The following ST8SIA2 variants were observed in gnomAD, a reference collection of about 807,000 sequenced individuals.
ST8SIA2 encodes ST8 alpha-N-acetyl-neuraminide alpha-2,8-sialyltransferase 2, also known as alpha-2,8-sialyltransferase 8B.
In ST8SIA2, 22 loss-of-function variants were observed where a neutral mutation model predicts 37.6. That is an observed-to-expected ratio of 0.58 (90% CI 0.42 to 0.83). The LOEUF is 0.83. Ranked by LOEUF, ST8SIA2 falls within the 40% of genes least tolerant of loss-of-function variation. The pLI, the probability that ST8SIA2 is intolerant of heterozygous loss-of-function variation, is 0.00. For synonymous variants in ST8SIA2, 205 were observed against 201.2 expected, an observed-to-expected ratio of 1.02 and a Z score of -0.16; for missense variants, 382 against 484.7, an observed-to-expected ratio of 0.79 and a Z score of 1.99.
intron 1 of ST8SIA2, 54 bp from the exon 2 acceptor site, chr15:92,429,995 G>A: frequency 1.9e-6 from 3 of 1,595,144 alleles, no homozygotes; most frequent in Non-Finnish European, 2.6e-6. Context: ...AATTGAAGAG[G>A]GCTTTGCAAA....
At chr15:92,439,231 G>A (rs1450580286) in intron 4 of ST8SIA2, among the ~76,000 whole-genome samples, 1 of 152,156 alleles carries the variant, frequency 6.6e-6, no homozygotes, top group Non-Finnish European at 1.5e-5. Context: ...AGTGTCTTGG[G>A]AGGGGGTGCC....
intron 5 of ST8SIA2, among the ~76,000 whole-genome samples, chr15:92,454,891 G>A (rs576196436): frequency 2.0e-5 from 3 of 152,056 alleles, no homozygotes; most frequent in Non-Finnish European, 4.4e-5. Context: ...ATCGAAGGAG[G>A]CTGCGACCCA....
chr15:92,408,414 T>C (rs1189910896), intron 1 of ST8SIA2, among the ~76,000 whole-genome samples: 1 of 152,142 alleles, frequency 6.6e-6, no homozygotes, highest in East Asian at 1.9e-4. Context: ...CCGTTTCAGA[T>C]GTGTGCCCCG....
chr15:92,454,570 AC>A lies in ST8SIA2; in HGVS notation c.843-9529del, dbSNP rs571788412. Among the ~76,000 whole-genome samples the A allele has an allele frequency of 5.2e-3, 798 of 152,114 alleles. 5 individuals carry two copies. The highest frequency in any genetic ancestry group is 0.014 in the Middle Eastern group (4 of 294). The stretch of plus-strand genomic sequence containing the variant: ...GAGTCTCTGCCCCCACAGTGGACTT[AC>A]AAAATTTCTGCCCATCTGAGGCAGT... On this transcript the variant is annotated intron_variant, in intron 5 of 5. Transcript: ENST00000268164.
intron 5 of ST8SIA2, among the ~76,000 whole-genome samples, chr15:92,457,782 C>T (rs985109292): frequency 2.0e-5 from 3 of 152,168 alleles, no homozygotes; most frequent in Non-Finnish European, 2.9e-5. Context: ...TGTCAGACAT[C>T]GCTCAGGAGT....
chr15:92,440,381 A>T (rs562700755), intron 4 of ST8SIA2, among the ~76,000 whole-genome samples: 2 of 152,244 alleles, frequency 1.3e-5, no homozygotes, highest in Admixed American at 1.3e-4. Flanking sequence ...GCAACTCAGC[A>T]TTTCTAACAA....
chr15:92,451,387 G>A (rs1005373677), intron 5 of ST8SIA2, among the ~76,000 whole-genome samples: 1 of 152,166 alleles, frequency 6.6e-6, no homozygotes, highest in African/African-American at 2.4e-5. Flanking sequence ...GCACCTTATC[G>A]GGGAGAACAA....
chr15:92,434,304 A>T lies in ST8SIA2; in HGVS notation c.219A>T (p.Glu73Asp). The T allele has an allele frequency of 1.2e-6, 2 of 1,614,190 alleles. No homozygotes were observed. Among genetic ancestry groups the T allele is most frequent in the Non-Finnish European group, 1.7e-6 (2 of 1,180,026 alleles). The part of the protein sequence containing the change: ...SSPAVVDRSN[E>D]SIKHNIQPAS... ...CAGCTGTTGTTGACAGAAGTAATGAAAGCATCAAGCACAACATCCAGCCAG... is the reference window on the plus strand; with the variant it reads ...CAGCTGTTGTTGACAGAAGTAATGATAGCATCAAGCACAACATCCAGCCAG... The change falls in exon 3 of 6, where the codon GAA becomes GAT. Residue 73 changes from glutamate to aspartate, a missense_variant. Coordinates refer to ENST00000268164, the MANE Select transcript of ST8SIA2 (RefSeq NM_006011.4).
At position 92,467,974 on chromosome 15, in the gene ST8SIA2, C is replaced by G. The variant is rs2050004681; in HGVS notation, c.*3589C>G. 1 of 152,268 alleles carries G rather than the reference C, an allele frequency of 6.6e-6. No homozygotes were observed. Among genetic ancestry groups the G allele is most frequent in the Non-Finnish European group, 1.5e-5 (1 of 68,064 alleles). 9.4% of individuals were successfully genotyped at this position (152,268 alleles called of 1,614,324 possible). ...AAGTGGATCATCTGTGTCCCCTTCCCCCACAATCCCTCCTTTTTCTAGTAA... is the reference window on the plus strand; with the variant it reads ...AAGTGGATCATCTGTGTCCCCTTCCGCCACAATCCCTCCTTTTTCTAGTAA... On this transcript the variant is annotated 3_prime_UTR_variant, in exon 6 of 6. Transcript: ENST00000268164.
chr15:92,444,807 C>A lies in ST8SIA2; in HGVS notation c.720C>A (p.Ile240=). ...GCCTCAATGGCAGCATCCTGTGGAT[C>A]CCTGCCTTCATGGCCCGGGGCGGCA... The part of the protein sequence containing the change: ...LHSLNGSILW[I]PAFMARGGKE... The change falls in exon 5 of 6, where the codon ATC becomes ATA. Residue 240 remains isoleucine (I), a synonymous_variant. Transcript: ENST00000268164. The A allele has an allele frequency of 6.2e-7, 1 of 1,614,176 alleles. No homozygotes were observed. The highest frequency in any genetic ancestry group is 8.5e-7 in the Non-Finnish European group (1 of 1,180,054).
At chr15:92,462,469 TG>T (rs1216159550) in intron 5 of ST8SIA2, among the ~76,000 whole-genome samples, 13 of 152,342 alleles carry the variant, frequency 8.5e-5, no homozygotes, top group African/African-American at 3.1e-4. Context: ...AAGAAGTATT[TG>T]GGCTTCTAGA....
chr15:92,445,987 A>G (rs1474289914), intron 5 of ST8SIA2, among the ~76,000 whole-genome samples: 1 of 151,608 alleles, frequency 6.6e-6, no homozygotes, highest in Non-Finnish European at 1.5e-5. Flanking sequence ...AAATAGTTTA[A>G]TATTAATCAT....
At chr15:92,440,153 C>G (rs1489357376) in intron 4 of ST8SIA2, among the ~76,000 whole-genome samples, 1 of 152,230 alleles carries the variant, frequency 6.6e-6, no homozygotes, top group African/African-American at 2.4e-5. Context: ...TGCCTTGGCT[C>G]TGCTACCCAT....
At chr15:92,398,543 C>A (rs1370453351) in intron 1 of ST8SIA2, among the ~76,000 whole-genome samples, 1 of 152,246 alleles carries the variant, frequency 6.6e-6, no homozygotes, top group African/African-American at 2.4e-5. Flanking sequence ...ATTCCAGCCT[C>A]ATGGCAATCC....
chr15:92,442,027 T>G (rs1007314991), intron 4 of ST8SIA2, among the ~76,000 whole-genome samples: 2 of 152,160 alleles, frequency 1.3e-5, no homozygotes, highest in Non-Finnish European at 2.9e-5. Flanking sequence ...AGAAGTCACT[T>G]TGGGAGGCCT....
At chr15:92,417,389 G>A (rs189371179) in intron 1 of ST8SIA2, among the ~76,000 whole-genome samples, 4 of 152,312 alleles carry the variant, frequency 2.6e-5, no homozygotes, top group East Asian at 3.9e-4. Context: ...CCCAAATTGA[G>A]TGCCCTCCAG....
chr15:92,407,612 C>T lies in ST8SIA2; in HGVS notation c.98+13450C>T, dbSNP rs575749981. On this transcript the variant is annotated intron_variant, in intron 1 of 5. Coordinates refer to ENST00000268164, the MANE Select transcript of ST8SIA2 (RefSeq NM_006011.4). ...TGGATCTGGTGGCCTGCCCAGCCTG[C>T]GGTCCAGTTCCAAACTGCACTCTCA... Among the ~76,000 whole-genome samples, 22 of 152,174 alleles carry T rather than the reference C, an allele frequency of 1.4e-4. No individual in the cohort carries two copies. The South Asian group carries it at 2.9e-3, about 20-fold the overall frequency.
At chr15:92,432,243 G>A (rs777429297) in intron 2 of ST8SIA2, among the ~76,000 whole-genome samples, 4 of 152,168 alleles carry the variant, frequency 2.6e-5, no homozygotes, top group Non-Finnish European at 4.4e-5. Context: ...TCTGTTGTGC[G>A]TGCCTACTGA....
chr15:92,460,101 C>T (rs2049947368), intron 5 of ST8SIA2, among the ~76,000 whole-genome samples: 1 of 152,200 alleles, frequency 6.6e-6, no homozygotes, highest in Non-Finnish European at 1.5e-5. Flanking sequence ...TGCAAGGCTG[C>T]TGAGCTAACT....
Sources: gnomAD v4.1 joint callset for allele counts (sites outside exome capture counted in the v4.1 genomes callset) on GRCh38, gnomAD v4.1.1 for gene constraint, MANE v1.5 for transcripts, NCBI Gene and HGNC (gene_info 2026-07-23, HGNC 2026-07-21) for gene names.